The following SLF1 variants were observed in gnomAD, a reference collection of about 807,000 sequenced individuals.
SLF1 encodes SMC5-SMC6 complex localization factor protein 1.
A neutral mutation model predicts 123.0 loss-of-function variants in SLF1; 105 were observed. That is an observed-to-expected ratio of 0.85 (90% CI 0.73 to 1.00). The LOEUF (loss-of-function observed/expected upper bound fraction) is 1.00. Among genes scored for constraint, SLF1 ranks in the 50% least tolerant of loss-of-function variants. The pLI is 0.00. For missense variants in SLF1, 1,239 were observed against 1,223.0 expected (o/e 1.01, Z -0.20); for synonymous variants, 434 against 406.6 (o/e 1.07, Z -0.81).
At chr5:94,662,440 G>C (rs957076495) in intron 10 of SLF1, 89 bp downstream of exon 10, 1 of 1,102,624 alleles carries the variant, frequency 9.1e-7, no homozygotes. Flanking sequence ...GTAATGTGTT[G>C]TATGCACAAT....
chr5:94,655,985 G>A (rs1453215951), intron 9 of SLF1, among the ~76,000 whole-genome samples: 1 of 151,920 alleles, frequency 6.6e-6, no homozygotes, highest in African/African-American at 2.4e-5. Context: ...TCAGTATTAG[G>A]TTGAATAAAA....
chr5:94,646,365 T>C (rs1747056466), intron 5 of SLF1, among the ~76,000 whole-genome samples: 2 of 152,318 alleles, frequency 1.3e-5, no homozygotes, highest in African/African-American at 2.4e-5. Context: ...TTTATAGATA[T>C]TTATCGAAGA....
At chr5:94,646,537 C>T (rs1005640417) in intron 5 of SLF1, among the ~76,000 whole-genome samples, 8 of 152,076 alleles carry the variant, frequency 5.3e-5, no homozygotes, top group African/African-American at 1.9e-4. Flanking sequence ...GTGCAAGGTA[C>T]AGGAATACAG....
intron 20 of SLF1, among the ~76,000 whole-genome samples, chr5:94,693,114 A>G (rs1011894007): frequency 6.6e-6 from 1 of 152,140 alleles, no homozygotes; most frequent in African/African-American, 2.4e-5. Flanking sequence ...TTGATTGTGC[A>G]TAAAGACAAA....
At chr5:94,662,204 T>C in intron 9 of SLF1, 94 bp from the exon 10 acceptor site, 2 of 1,004,468 alleles carry the variant, frequency 2.0e-6, no homozygotes, top group Non-Finnish European at 2.9e-6. Context: ...TGTTCCTGGA[T>C]CTGTTTTATA....
At chr5:94,681,711 T>C (rs1235356285) in intron 15 of SLF1, among the ~76,000 whole-genome samples, 1 of 146,056 alleles carries the variant, frequency 6.8e-6, no homozygotes, top group African/African-American at 2.5e-5. Flanking sequence ...TGTGTTCTCA[T>C]TGTTCAGTTC....
intron 4 of SLF1, among the ~76,000 whole-genome samples, chr5:94,635,091 CAAATCCA>C (rs1745604370): frequency 6.6e-6 from 1 of 152,066 alleles, no homozygotes; most frequent in South Asian, 2.1e-4. Flanking sequence ...GCTTTGGAGT[CAAATCCA>C]AAAATTATTG....
chr5:94,620,696 A>G (rs1334706755), intron 1 of SLF1, among the ~76,000 whole-genome samples: 1 of 152,210 alleles, frequency 6.6e-6, no homozygotes, highest in Non-Finnish European at 1.5e-5. Flanking sequence ...AAAATGAGAC[A>G]TCATCTGTTA....
chr5:94,692,148 C>T lies in SLF1; in HGVS notation c.2587C>T (p.Arg863Cys), dbSNP rs1178102316. 6 of 1,613,774 alleles carry T rather than the reference C, an allele frequency of 3.7e-6. No homozygotes were observed. The highest frequency in any genetic ancestry group is 1.3e-5 in the African/African-American group (1 of 74,902). ...NTVCVQEILQ[R>C]CPEVDLLTQV... ...AGTGTGTGTCCAGGAAATTTTGCAA[C>T]GTTGTCCAGAGGTAGATCTGCTCAC... Residue 863 changes from arginine to cysteine, a missense_variant, in exon 20 of 21, where the codon CGT becomes TGT. By Grantham distance (180) the Arg-to-Cys change is radical. Transcript: ENST00000265140.
chr5:94,682,862 C>T (rs375252509), intron 15 of SLF1, among the ~76,000 whole-genome samples: 12 of 152,210 alleles, frequency 7.9e-5, no homozygotes, highest in African/African-American at 2.4e-4. Context: ...ATGTTAAGTA[C>T]CAGACAGTAA....
intron 1 of SLF1, 54 bp from the exon 2 acceptor site, chr5:94,628,757 C>T: frequency 2.2e-5 from 26 of 1,163,528 alleles, no homozygotes; most frequent in South Asian, 7.8e-5. Flanking sequence ...TAATGTCAAC[C>T]CTGTGAATAA....
At chr5:94,651,180 G>A (rs1747679009) in intron 6 of SLF1, among the ~76,000 whole-genome samples, 2 of 152,120 alleles carry the variant, frequency 1.3e-5, no homozygotes, top group South Asian at 2.1e-4. Context: ...TAACTTAGGA[G>A]CGATAGACCA....
chr5:94,627,833 CTT>C (rs550050365), intron 1 of SLF1, among the ~76,000 whole-genome samples: 7 of 142,382 alleles, frequency 4.9e-5, no homozygotes, highest in Non-Finnish European at 4.7e-5. Flanking sequence ...AACAACAGTA[CTT>C]TTTTTTTTTT....
rs570383514 is a variant in SLF1, at chr5:94,629,031, G to A, written c.115-61G>A. On this transcript the variant is annotated intron_variant, in intron 2 of 20. Coordinates refer to ENST00000265140, the MANE Select transcript of SLF1 (RefSeq NM_032290.4). Reference sequence around the variant, plus strand: ...TTCTTGATATTGTAGCAATAAAAAGGATGTGTCATAAAGGGAGTCTTACTT... The same window carrying A: ...TTCTTGATATTGTAGCAATAAAAAGAATGTGTCATAAAGGGAGTCTTACTT... The A allele has an allele frequency of 4.3e-5, 61 of 1,431,780 alleles. No individual in the cohort carries two copies. In the South Asian group the frequency reaches 7.2e-4, roughly 17 times the overall value. 88.7% of individuals were successfully genotyped at this position (1,431,780 alleles called of 1,614,324 possible). A position where few individuals can be genotyped will look rare whatever the true frequency, so the allele number is the denominator to read the frequency against.
At chr5:94,624,603 G>A (rs1792069424) in intron 1 of SLF1, among the ~76,000 whole-genome samples, 2 of 152,034 alleles carry the variant, frequency 1.3e-5, no homozygotes, top group Admixed American at 6.5e-5. Context: ...GTTTATTTCT[G>A]TATAACTTGT....
intron 9 of SLF1, among the ~76,000 whole-genome samples, chr5:94,657,061 A>G (rs1351045352): frequency 1.3e-5 from 2 of 149,868 alleles, no homozygotes; most frequent in East Asian, 1.9e-4. Flanking sequence ...ATAATAATAG[A>G]TCTTTATTAT....
In SLF1 at chr5:94,629,121, T is replaced by C. The variant is rs367634866; in HGVS notation, c.144T>C (p.Ala48=). The change falls in exon 3 of 21, where the codon GCT becomes GCC. Residue 48 remains alanine (A), a synonymous_variant. Coordinates refer to ENST00000265140, the MANE Select transcript of SLF1 (RefSeq NM_032290.4). ...ACAAAAATTGTACACATCTTATAGCTGAACGCCTATGTAAGAGTGAAAAAT... is the reference window on the plus strand; with the variant it reads ...ACAAAAATTGTACACATCTTATAGCCGAACGCCTATGTAAGAGTGAAAAAT... ...EKYKNCTHLI[A]ERLCKSEKFL... 11 of 1,549,060 alleles carry C rather than the reference T, an allele frequency of 7.1e-6. No homozygotes were observed. In the African/African-American group the frequency reaches 8.2e-5, roughly 12 times the overall value.
rs1272875808 is a variant in SLF1 at position 94,696,460 on chromosome 5, A to G, written c.*1148A>G. On this transcript the variant is annotated 3_prime_UTR_variant, in exon 21 of 21. Coordinates refer to ENST00000265140, the MANE Select transcript of SLF1 (RefSeq NM_032290.4). The stretch of plus-strand genomic sequence containing the variant: ...TTTTAAATAAGTACTTTTTCCACAC[A>G]TACTCAGGAAATACTAGTTTCTATT... 1 of 151,836 alleles carries G rather than the reference A, an allele frequency of 6.6e-6. No individual in the cohort carries two copies. Among genetic ancestry groups the G allele is most frequent in the Non-Finnish European group, 1.5e-5 (1 of 67,830 alleles). 9.4% of individuals were successfully genotyped at this position (151,836 alleles called of 1,614,324 possible). A position where few individuals can be genotyped will look rare whatever the true frequency, so the allele number is the denominator to read the frequency against.
At chr5:94,665,076 A>G (rs1749586386) in intron 11 of SLF1, among the ~76,000 whole-genome samples, 1 of 152,222 alleles carries the variant, frequency 6.6e-6, no homozygotes, top group African/African-American at 2.4e-5. Context: ...AGTCATACAT[A>G]TCATCCTCTT....
Sources: gnomAD v4.1 joint callset for allele counts (sites outside exome capture counted in the v4.1 genomes callset) on GRCh38, gnomAD v4.1.1 for gene constraint, MANE v1.5 for transcripts, NCBI Gene and HGNC (gene_info 2026-07-23, HGNC 2026-07-21) for gene names.